FGF12: variants seen among roughly 807,000 people sequenced by gnomAD.
FGF12 encodes fibroblast growth factor 12B.
FGF12 carries 14 observed loss-of-function variants against 23.6 expected under a neutral mutation model. The ratio of observed to expected loss-of-function variants is 0.59; its 90% CI spans 0.39 to 0.93. FGF12 has a LOEUF of 0.93. Among genes scored for constraint, FGF12 ranks in the 40% least tolerant of loss-of-function variants. FGF12 has a pLI of 0.00. For synonymous variants in FGF12, 62 were observed against 77.3 expected (o/e 0.80, Z 1.04); for missense variants, 175 against 217.8 (o/e 0.80, Z 1.24).
At chr3:192,193,863 G>A (rs183263955) in intron 4 of FGF12, among the ~76,000 whole-genome samples, 347 of 152,140 alleles carry the variant, frequency 2.3e-3, no homozygotes, top group African/African-American at 8.1e-3. Context: ...GTCCTACAAA[G>A]CAATTACAGT....
At chr3:192,309,919 A>C (rs1486027285) in intron 4 of FGF12, among the ~76,000 whole-genome samples, 2 of 152,178 alleles carry the variant, frequency 1.3e-5, no homozygotes, top group African/African-American at 2.4e-5. Context: ...ATTTTAGAGT[A>C]CTTCTTCTTT....
intron 2 of FGF12, among the ~76,000 whole-genome samples, chr3:192,475,236 A>C (rs537588605): frequency 1.3e-5 from 2 of 152,214 alleles, no homozygotes; most frequent in Non-Finnish European, 2.9e-5. Flanking sequence ...TGCTCTTGAA[A>C]GCACGCCAGG....
At chr3:192,212,426 G>A (rs1290880730) in intron 4 of FGF12, among the ~76,000 whole-genome samples, 1 of 152,146 alleles carries the variant, frequency 6.6e-6, no homozygotes, top group African/African-American at 2.4e-5. Flanking sequence ...AATGTGTTAT[G>A]TAAAACGGTG....
At chr3:192,694,938 A>G (rs1718066328) in intron 2 of FGF12, among the ~76,000 whole-genome samples, 1 of 152,092 alleles carries the variant, frequency 6.6e-6, no homozygotes, top group African/African-American at 2.4e-5. Context: ...GGATAAGTAG[A>G]GATCTAGTGT....
chr3:192,297,640 C>T (rs1715117887), intron 4 of FGF12, among the ~76,000 whole-genome samples: 1 of 152,212 alleles, frequency 6.6e-6, no homozygotes, highest in East Asian at 1.9e-4. Context: ...AATAATTAAT[C>T]CCCAGAATAC....
chr3:192,651,872 T>C (rs945892006), intron 2 of FGF12, among the ~76,000 whole-genome samples: 1 of 152,228 alleles, frequency 6.6e-6, no homozygotes, highest in Non-Finnish European at 1.5e-5. Context: ...CTAATAAATG[T>C]AGAGCTAAGC....
At chr3:192,190,189 C>T (rs1467574800) in intron 4 of FGF12, among the ~76,000 whole-genome samples, 1 of 152,060 alleles carries the variant, frequency 6.6e-6, no homozygotes, top group African/African-American at 2.4e-5. Flanking sequence ...GTGGTCAAAG[C>T]TTTATAGTTA....
chr3:192,298,858 G>C (rs912217030), intron 4 of FGF12, among the ~76,000 whole-genome samples: 9 of 152,344 alleles, frequency 5.9e-5, no homozygotes, highest in Middle Eastern at 6.8e-3. Context: ...GGTGGAAGGA[G>C]ATGTGGGAGG....
chr3:192,392,701 G>A (rs1217110709), intron 2 of FGF12, among the ~76,000 whole-genome samples: 3 of 151,784 alleles, frequency 2.0e-5, no homozygotes, highest in Admixed American at 2.0e-4. Context: ...AATTTTTGGT[G>A]TTCTGTATCT....
chr3:192,466,755 T>C (rs997102148), intron 2 of FGF12, among the ~76,000 whole-genome samples: 7 of 152,154 alleles, frequency 4.6e-5, no homozygotes, highest in Non-Finnish European at 1.0e-4. Context: ...AGGGGTCTGA[T>C]CAAGGTTAAA....
chr3:192,180,345 G>A (rs1716102244), intron 4 of FGF12, among the ~76,000 whole-genome samples: 1 of 152,196 alleles, frequency 6.6e-6, no homozygotes, highest in African/African-American at 2.4e-5. Flanking sequence ...ACTTCCAGGA[G>A]CTTCAATGTT....
At chr3:192,458,577 T>C (rs1380482693) in intron 2 of FGF12, among the ~76,000 whole-genome samples, 1 of 152,216 alleles carries the variant, frequency 6.6e-6, no homozygotes, top group Non-Finnish European at 1.5e-5. Context: ...CCATTTGGAA[T>C]GGCTGTATTT....
At chr3:192,467,374 C>T (rs1472856571) in intron 2 of FGF12, among the ~76,000 whole-genome samples, 1 of 152,126 alleles carries the variant, frequency 6.6e-6, no homozygotes, top group Non-Finnish European at 1.5e-5. Context: ...GTCTATGATT[C>T]TGTAAATTCC....
chr3:192,412,321 T>C (rs562401462), intron 2 of FGF12, among the ~76,000 whole-genome samples: 58 of 152,158 alleles, frequency 3.8e-4, no homozygotes, highest in Non-Finnish European at 6.5e-4. Context: ...AGGTAACGAA[T>C]ACAGAGGCAC....
In FGF12 at chr3:192,408,998, C is replaced by G. The variant is rs997684810; in HGVS notation, c.14-48460G>C. The G allele has an allele frequency of 1.0e-5, 10 of 977,168 alleles. No homozygotes were observed. In the African/African-American group the frequency reaches 1.5e-4, roughly 14 times the overall value. 60.5% of individuals were successfully genotyped at this position (977,168 alleles called of 1,614,324 possible). A position where few individuals can be genotyped will look rare whatever the true frequency, so the allele number is the denominator to read the frequency against. ...CCGGAGTCTGGGTAGGGGCGCGGGG[C>G]GGGGGCAGCTGTTTCCAGCTGCGGT... On this transcript the variant is annotated intron_variant, in intron 2 of 5. Coordinates refer to ENST00000445105, the MANE Select transcript of FGF12 (RefSeq NM_004113.6). The surrounding 1 kb of genome is among the most constrained non-coding windows in gnomAD (Gnocchi z 7.3).
At chr3:192,531,610 C>T (rs1045086733) in intron 2 of FGF12, among the ~76,000 whole-genome samples, 4 of 151,818 alleles carry the variant, frequency 2.6e-5, no homozygotes, top group East Asian at 3.9e-4. Context: ...ATTTTTAAAA[C>T]GTATAATTAT....
intron 2 of FGF12, among the ~76,000 whole-genome samples, chr3:192,379,642 G>T (rs141947036): frequency 6.6e-6 from 1 of 152,176 alleles, no homozygotes; most frequent in Non-Finnish European, 1.5e-5. Context: ...CAATGCATTC[G>T]CACACAAATA....
At chr3:192,644,328 T>C (rs543807725) in intron 2 of FGF12, among the ~76,000 whole-genome samples, 20 of 152,228 alleles carry the variant, frequency 1.3e-4, no homozygotes, top group African/African-American at 4.1e-4. Context: ...TTCAGCAAGT[T>C]GAGGGGAAGC....
chr3:192,300,482 C>A (rs547349531), intron 4 of FGF12, among the ~76,000 whole-genome samples: 40 of 152,114 alleles, frequency 2.6e-4, no homozygotes, highest in Non-Finnish European at 4.4e-4. Context: ...CTTCCAAATG[C>A]CTGGGGCCAG....
Sources: allele counts gnomAD v4.1 joint callset (sites outside exome capture counted in the v4.1 genomes callset), GRCh38; gene constraint gnomAD v4.1.1; non-coding constraint Gnocchi (gnomAD v3.1); transcripts MANE v1.5; gene names NCBI Gene and HGNC (gene_info 2026-07-23, HGNC 2026-07-21).